Variants in NPHP4 observed in about 807,000 individuals in gnomAD.
The protein encoded by NPHP4 is nephrocystin-4.
NPHP4 carries 151 observed loss-of-function variants against 155.8 expected under a neutral mutation model. The observed-to-expected ratio is 0.97, with a 90% CI of 0.85 to 1.11. NPHP4 has a LOEUF of 1.11. Among genes scored for constraint, NPHP4 ranks in the 50% least tolerant of loss-of-function variants. NPHP4 has a pLI of 0.00. For synonymous variants in NPHP4, 845 were observed against 816.8 expected (o/e 1.03, Z -0.59); for missense variants, 1,956 against 1,925.7 (o/e 1.02, Z -0.29).
chr1:5,889,412 TTTAAA>T lies in NPHP4; in HGVS notation c.2304+1451_2304+1455del, dbSNP rs1220717056. 6.6e-6 allele frequency among the ~76,000 whole-genome samples: 1 copy of T among 152,252 alleles called. No homozygotes were observed. Among genetic ancestry groups the T allele is most frequent in the African/African-American group, 2.4e-5 (1 of 41,472 alleles). ...AGATTTTATTTTAGAAAAGTGAAGC[TTTAAA>T]TTTAATTTATTCAAGTCTATGTCAA... is the stretch of plus-strand genomic sequence containing the variant. On this transcript the variant is annotated intron_variant, in intron 17 of 29. Transcript: ENST00000378156. This position sits in a 1 kb window ranked among gnomAD's most constrained non-coding sequence, Gnocchi z 4.2.
At chr1:5,964,931 A>ATTTTTTTTT (rs1188241159) in intron 5 of NPHP4, among the ~76,000 whole-genome samples, 81 of 23,858 alleles carry the variant, frequency 3.4e-3, no homozygotes, top group Non-Finnish European at 4.5e-3. Context: ...ATATATATAT[A>ATTTTTTTTT]TATATATATA....
rs1305155764 is a variant in NPHP4 at position 5,905,750 on chromosome 1, G to C, written c.1645C>G (p.Leu549Val). The C allele has an allele frequency of 1.9e-6, 3 of 1,612,124 alleles. No individual in the cohort carries two copies. The highest frequency in any genetic ancestry group is 2.5e-6 in the Non-Finnish European group (3 of 1,179,174). ...GAGGTCTGGCTCAGGTCGGCTTCCA[G>C]GTGGGAGATACCGGCCTCCAACGGG... is the stretch of plus-strand genomic sequence containing the variant. ...EFPLEAGISH[L>V]EADLSQTSLV... The change falls in exon 14 of 30, where the codon CTG becomes GTG. Residue 549 changes from leucine (L) to valine (V), a missense_variant. Leu to Val is a conservative substitution (Grantham distance 32). Transcript: ENST00000378156. The surrounding 1 kb of genome is among the most constrained non-coding windows in gnomAD (Gnocchi z 4.0).
intron 9 of NPHP4, among the ~76,000 whole-genome samples, chr1:5,940,978 C>T (rs867131467): frequency 1.3e-5 from 2 of 152,012 alleles, no homozygotes; most frequent in Non-Finnish European, 2.9e-5. Context: ...AATAAACATG[C>T]AAGAAAAGCT....
At chr1:5,874,773 G>A (rs766072859) in intron 21 of NPHP4, 101 bp downstream of exon 21, 17 of 1,516,370 alleles carry the variant, frequency 1.1e-5, no homozygotes, top group Middle Eastern at 1.9e-4. Context: ...AAGTCAAATC[G>A]CCCCGGCTCT....
intron 11 of NPHP4, among the ~76,000 whole-genome samples, chr1:5,912,692 T>C (rs916885584): frequency 6.6e-6 from 1 of 152,194 alleles, no homozygotes; most frequent in Non-Finnish European, 1.5e-5. Flanking sequence ...GTAAATTAAA[T>C]GTTAGTTTAA....
chr1:5,961,626 T>C (rs994925062), intron 6 of NPHP4, among the ~76,000 whole-genome samples, 168 bp downstream of exon 6: 3 of 152,128 alleles, frequency 2.0e-5, no homozygotes, highest in Admixed American at 1.3e-4. Context: ...TAGACTGCCA[T>C]TCCATCCTCC....
In NPHP4 at chr1:5,873,220, C is replaced by T. The variant is rs115555125; in HGVS notation, c.3315+32G>A. The stretch of plus-strand genomic sequence containing the variant: ...GGCCCTGGGAATACCCAGGAAGCCC[C>T]GAGATCAGTTTGTCCTCCGTTGCCC... On this transcript the variant is annotated intron_variant, in intron 23 of 29. Coordinates refer to ENST00000378156, the MANE Select transcript of NPHP4 (RefSeq NM_015102.5). The T allele has an allele frequency of 1.3e-3, 2,017 of 1,570,316 alleles. 18 individuals are homozygous for T. The African/African-American group carries it at 0.019, about 15-fold the overall frequency.
intron 16 of NPHP4, among the ~76,000 whole-genome samples, chr1:5,903,389 T>C (rs1323246087): frequency 6.6e-6 from 1 of 152,224 alleles, no homozygotes; most frequent in African/African-American, 2.4e-5. Flanking sequence ...GGTGCCACTG[T>C]TAGGCTACTT....
chr1:5,919,304 AAT>A (rs1245605456), intron 11 of NPHP4, among the ~76,000 whole-genome samples: 3 of 152,122 alleles, frequency 2.0e-5, no homozygotes, highest in Non-Finnish European at 2.9e-5. Context: ...TCTCTTTTTT[AAT>A]ACTTTTTTTG....
rs201433248 is a variant in NPHP4 at position 5,874,650 on chromosome 1, C to T, written c.3052G>A (p.Val1018Met). 1.2e-4 allele frequency: 191 copies of T among 1,611,422 alleles called. No homozygotes were observed. The highest frequency in any genetic ancestry group is 2.0e-4 in the East Asian group (9 of 44,886). The change falls in exon 22 of 30, where the codon GTG becomes ATG. Residue 1018 changes from valine (V) to methionine (M), a missense_variant. By Grantham distance (21) the Val-to-Met change is conservative. Transcript: ENST00000378156. ...AAGTCCCTCCACTCCTGACTGTCCA[C>T]GATGACGCTGGGGGAGGCAGTGTCC... is the stretch of plus-strand genomic sequence containing the variant. ...EIDNPELSVI[V>M]DSQEWRDFKG...
intron 18 of NPHP4, among the ~76,000 whole-genome samples, chr1:5,884,466 C>T (rs867195872): frequency 6.6e-6 from 1 of 151,072 alleles, no homozygotes; most frequent in Middle Eastern, 3.2e-3. Context: ...AGATCACTGC[C>T]CAAGCTCCCA....
At chr1:5,900,201 C>T (rs1176099194) in intron 16 of NPHP4, among the ~76,000 whole-genome samples, 1 of 152,238 alleles carries the variant, frequency 6.6e-6, no homozygotes, top group African/African-American at 2.4e-5. Context: ...CCAGCAATCA[C>T]ACTCCTTGGT....
At chr1:5,881,869 T>C (rs1192303189) in intron 18 of NPHP4, 2 of 152,266 alleles carry the variant, frequency 1.3e-5, no homozygotes, top group Admixed American at 6.5e-5. Flanking sequence ...CTTTGTAAGC[T>C]CTTTCAAAAC....
chr1:5,927,523 T>C lies in NPHP4; in HGVS notation c.1441+126A>G, dbSNP rs1012315300. The C allele has an allele frequency of 6.7e-6, 7 of 1,046,648 alleles. No homozygotes were observed. In the African/African-American group the frequency reaches 9.5e-5, roughly 14 times the overall value. The allele number at this position is 1,046,648 out of a possible 1,614,324, so 64.8% of individuals were successfully genotyped here. ...AAACCCAACTAACAGATTCCATTAA[T>C]GCAATCTACGACGATTATCTTACAA... On this transcript the variant is annotated intron_variant, in intron 11 of 29. Transcript: ENST00000378156.
intron 11 of NPHP4, among the ~76,000 whole-genome samples, chr1:5,913,859 T>C (rs531368843): frequency 7.2e-5 from 11 of 152,316 alleles, no homozygotes; most frequent in Non-Finnish European, 1.3e-4. Context: ...GAGATCATTC[T>C]ATACATAACG....
At chr1:5,941,001 A>C (rs1646786379) in intron 9 of NPHP4, among the ~76,000 whole-genome samples, 1 of 152,202 alleles carries the variant, frequency 6.6e-6, no homozygotes, top group Non-Finnish European at 1.5e-5. Flanking sequence ...AAAAGCAAGG[A>C]AAAGAAGAAC....
rs192976784 is a variant in NPHP4 at position 5,964,283 on chromosome 1, T to C, written c.518-2334A>G. ...AGCCCTGATGAAATAACAGCAAAAG[T>C]TCCTTTTTCTCACTGTTTTCCTTCA... On this transcript the variant is annotated intron_variant, in intron 5 of 29. Coordinates refer to ENST00000378156, the MANE Select transcript of NPHP4 (RefSeq NM_015102.5). Among the ~76,000 whole-genome samples, 43 of 152,214 alleles carry C rather than the reference T, an allele frequency of 2.8e-4. 1 individual carries two copies. In the East Asian group the frequency reaches 5.0e-3, roughly 18 times the overall value.
At chr1:5,912,599 G>A (rs1409345339) in intron 11 of NPHP4, among the ~76,000 whole-genome samples, 2 of 151,744 alleles carry the variant, frequency 1.3e-5, no homozygotes, top group African/African-American at 2.4e-5. Context: ...CAGTGTATAC[G>A]GGTGTGCTGG....
At chr1:5,975,934 C>T (rs1653480971) in intron 3 of NPHP4, among the ~76,000 whole-genome samples, 2 of 152,226 alleles carry the variant, frequency 1.3e-5, no homozygotes, top group African/African-American at 4.8e-5. Flanking sequence ...CGCTTCTGGC[C>T]TGCGCAGCAC....
Sources: allele counts gnomAD v4.1 joint callset (sites outside exome capture counted in the v4.1 genomes callset), GRCh38; gene constraint gnomAD v4.1.1; non-coding constraint Gnocchi (gnomAD v3.1); transcripts MANE v1.5; gene names NCBI Gene and HGNC (gene_info 2026-07-23, HGNC 2026-07-21).